Variants in AGBL1 observed in about 807,000 individuals in gnomAD.
The protein encoded by AGBL1 is cytosolic carboxypeptidase 4.
Under a neutral mutation model 118.9 loss-of-function variants are expected in AGBL1, and 130 were observed. That is an observed-to-expected ratio of 1.09 (90% confidence interval 0.95 to 1.26). The LOEUF is 1.26. Ranked by LOEUF, AGBL1 falls within the 50% of genes most tolerant of loss-of-function variation. The pLI is 0.00. For missense variants in AGBL1, 1,584 were observed against 1,298.1 expected, an observed-to-expected ratio of 1.22 and a Z score of -3.38; for synonymous variants, 555 against 478.9, an observed-to-expected ratio of 1.16 and a Z score of -2.08.
At chr15:86,644,528 T>G (rs1414417087) in intron 21 of AGBL1, among the ~76,000 whole-genome samples, 2 of 152,168 alleles carry the variant, frequency 1.3e-5, no homozygotes, top group Non-Finnish European at 1.5e-5. Flanking sequence ...ACAGCATAGA[T>G]AAGTTTTGTT....
At chr15:86,102,570 A>G (rs895260624) in intron 1 of AGBL1, among the ~76,000 whole-genome samples, 1 of 152,134 alleles carries the variant, frequency 6.6e-6, no homozygotes, top group African/African-American at 2.4e-5. Flanking sequence ...GTATTCTTGC[A>G]TAATATTCCC....
At chr15:86,459,290 C>T (rs1435344156) in intron 18 of AGBL1, among the ~76,000 whole-genome samples, 2 of 152,134 alleles carry the variant, frequency 1.3e-5, no homozygotes, top group East Asian at 1.9e-4. Context: ...TTTTATACTA[C>T]CAGTTTTCCT....
intron 22 of AGBL1, among the ~76,000 whole-genome samples, chr15:86,813,989 C>G (rs1398629109): frequency 6.6e-6 from 1 of 152,186 alleles, no homozygotes; most frequent in Non-Finnish European, 1.5e-5. Flanking sequence ...AGATCCCTGT[C>G]TCATCTGCCA....
intron 21 of AGBL1, among the ~76,000 whole-genome samples, chr15:86,587,197 A>G (rs2142343754): frequency 6.6e-6 from 1 of 152,302 alleles, no homozygotes; most frequent in Middle Eastern, 3.4e-3. Context: ...CCTTCTACAG[A>G]TGAGGAAACT....
At chr15:86,165,672 A>G (rs1164138032) in intron 5 of AGBL1, among the ~76,000 whole-genome samples, 1 of 152,068 alleles carries the variant, frequency 6.6e-6, no homozygotes, top group Non-Finnish European at 1.5e-5. Flanking sequence ...TCCCCATTCA[A>G]CATTAGAGTC....
chr15:86,480,332 A>G (rs1230151298), intron 18 of AGBL1, among the ~76,000 whole-genome samples: 2 of 152,164 alleles, frequency 1.3e-5, no homozygotes, highest in African/African-American at 4.8e-5. Flanking sequence ...TGTATACTGT[A>G]AATGTACACA....
At chr15:86,745,147 T>C (rs905341360) in intron 22 of AGBL1, among the ~76,000 whole-genome samples, 7 of 152,102 alleles carry the variant, frequency 4.6e-5, no homozygotes, top group African/African-American at 1.7e-4. Context: ...TATGTTTAAT[T>C]CAAGGAATGA....
intron 22 of AGBL1, among the ~76,000 whole-genome samples, chr15:86,680,317 T>C (rs1285251036): frequency 4.6e-5 from 7 of 152,084 alleles, no homozygotes; most frequent in African/African-American, 7.2e-5. Context: ...AAAGTAGCTT[T>C]TCTTTTTTAA....
At chr15:87,030,394 G>C (rs1242757898), downstream of AGBL1, among the ~76,000 whole-genome samples, 1 of 151,988 alleles carries the variant, frequency 6.6e-6, no homozygotes. Context: ...TACTGGGGCA[G>C]CTTGAACAGG....
At chr15:86,332,780 C>G (rs545093809) in intron 17 of AGBL1, among the ~76,000 whole-genome samples, 2 of 152,086 alleles carry the variant, frequency 1.3e-5, no homozygotes, top group Non-Finnish European at 2.9e-5. Flanking sequence ...AGAGTATACT[C>G]CAAGATCGAC....
At chr15:86,536,561 G>A (rs1010709711) in intron 19 of AGBL1, among the ~76,000 whole-genome samples, 2 of 152,048 alleles carry the variant, frequency 1.3e-5, no homozygotes, top group East Asian at 1.9e-4. Flanking sequence ...TGCCCGCCTC[G>A]GCCTCCCAAA....
intron 24 of AGBL1, chr15:86,988,414 G>T: frequency 1.6e-5 from 3 of 185,982 alleles, no homozygotes; most frequent in Admixed American, 6.1e-5. Context: ...AGGTTTCATT[G>T]GTAAATGTCT....
intron 17 of AGBL1, among the ~76,000 whole-genome samples, chr15:86,345,346 C>T (rs1210998858): frequency 6.6e-6 from 1 of 152,106 alleles, no homozygotes; most frequent in African/African-American, 2.4e-5. Context: ...GTTTGTGGCA[C>T]CAATAGTGCA....
intron 21 of AGBL1, among the ~76,000 whole-genome samples, chr15:86,660,353 CAAAT>C (rs2085519684): frequency 2.0e-5 from 3 of 151,988 alleles, no homozygotes; most frequent in African/African-American, 4.8e-5. Context: ...AACAAACATA[CAAAT>C]AAATAAATTT....
intron 5 of AGBL1, 29 bp downstream of exon 5, chr15:86,159,055 C>A: frequency 1.9e-6 from 3 of 1,591,514 alleles, no homozygotes; most frequent in Non-Finnish European, 2.6e-6. Context: ...TACTTCTGCC[C>A]CTTTTGTAAC....
chr15:86,411,753 A>C (rs146568753), intron 18 of AGBL1, among the ~76,000 whole-genome samples: 64 of 152,228 alleles, frequency 4.2e-4, no homozygotes, highest in Admixed American at 8.5e-4. Context: ...TTTTTTTGTC[A>C]TTACTCTGCA....
intron 21 of AGBL1, among the ~76,000 whole-genome samples, chr15:86,626,958 C>G (rs958819625): frequency 6.6e-6 from 1 of 151,574 alleles, no homozygotes; most frequent in African/African-American, 2.4e-5. Context: ...CTGCCTCAGC[C>G]TCCAGTGTAG....
At chr15:86,382,543 G>A (rs763976440) in intron 17 of AGBL1, among the ~76,000 whole-genome samples, 26 of 151,420 alleles carry the variant, frequency 1.7e-4, no homozygotes, top group East Asian at 1.1e-3. Context: ...CGGCTTAAAC[G>A]TAAAAGGCCG....
chr15:86,619,938 G>A (rs1046223503), intron 21 of AGBL1, among the ~76,000 whole-genome samples: 2 of 152,202 alleles, frequency 1.3e-5, no homozygotes, highest in African/African-American at 4.8e-5. Context: ...TCCTATAACA[G>A]AGCTAAGTCA....
Sources: allele counts gnomAD v4.1 joint callset (sites outside exome capture counted in the v4.1 genomes callset), GRCh38; gene constraint gnomAD v4.1.1; transcripts MANE v1.5; gene names NCBI Gene and HGNC (gene_info 2026-07-23, HGNC 2026-07-21).